Variants in YBEY observed in about 807,000 individuals in gnomAD.
YBEY encodes the protein endoribonuclease YbeY.
YBEY carries 15 observed loss-of-function variants against 13.5 expected under a neutral mutation model. The ratio of observed to expected loss-of-function variants is 1.11; its 90% CI spans 0.75 to 1.72. The LOEUF (loss-of-function observed/expected upper bound fraction) is 1.72. Ranked by LOEUF, YBEY falls within the 40% of genes most tolerant of loss-of-function variation. The pLI is 0.00. For synonymous variants in YBEY, 101 were observed against 83.1 expected (o/e 1.21, Z -1.17); for missense variants, 244 against 208.4 (o/e 1.17, Z -1.05).
chr21:46,312,013 AT>A, the YBEY span, among the ~76,000 whole-genome samples: 1 of 104,578 alleles, frequency 9.6e-6, no homozygotes, highest in African/African-American at 3.8e-5. Context: ...CCACCCATCC[AT>A]CCACCCATCC....
chr21:46,295,228 C>A (rs1269660339), intron 3 of YBEY, among the ~76,000 whole-genome samples: 1 of 152,076 alleles, frequency 6.6e-6, no homozygotes, highest in Non-Finnish European at 1.5e-5. Flanking sequence ...AGGGCCAGCC[C>A]ACCAGCCCAG....
chr21:46,303,112 C>A, the YBEY span, among the ~76,000 whole-genome samples: 22 of 152,058 alleles, frequency 1.4e-4, no homozygotes, highest in African/African-American at 5.1e-4. Flanking sequence ...TGCGGTGAGC[C>A]AAGATCGTGC....
chr21:46,311,712 CAACCA>C, the YBEY span: 1,495 of 476,202 alleles, frequency 3.1e-3, 20 homozygotes, highest in African/African-American at 0.027. Context: ...ACCAACCAAC[CAACCA>C]TCCACCCATC....
chr21:46,299,317 A>T (rs751630439), downstream of YBEY, among the ~76,000 whole-genome samples: 6 of 152,044 alleles, frequency 3.9e-5, no homozygotes, highest in African/African-American at 4.8e-5. Flanking sequence ...TTCTGACCTG[A>T]ATCTGAGGAA....
chr21:46,290,806 G>A (rs898209521), intron 2 of YBEY, among the ~76,000 whole-genome samples: 1 of 151,956 alleles, frequency 6.6e-6, no homozygotes, highest in Non-Finnish European at 1.5e-5. Flanking sequence ...AGCACTTTCG[G>A]AGGCCAAGGC....
downstream of YBEY, among the ~76,000 whole-genome samples, chr21:46,297,979 A>G (rs1601608596): frequency 1.0e-5 from 1 of 97,934 alleles, no homozygotes; most frequent in East Asian, 2.4e-4. Context: ...GGCTTGCGTC[A>G]GTATTTCCTG....
intron 3 of YBEY, among the ~76,000 whole-genome samples, chr21:46,295,872 C>T (rs2081937712): frequency 6.7e-6 from 1 of 148,790 alleles, no homozygotes; most frequent in African/African-American, 2.5e-5. Context: ...TCCCCCCTTG[C>T]CCATTGCTCC....
downstream of YBEY, among the ~76,000 whole-genome samples, chr21:46,298,328 G>C (rs2082016053): frequency 1.3e-5 from 2 of 152,160 alleles, no homozygotes; most frequent in Admixed American, 6.5e-5. Context: ...TGAAGTCGCT[G>C]CACCACCGCG....
intron 3 of YBEY, among the ~76,000 whole-genome samples, chr21:46,295,826 C>T (rs1305104932): frequency 6.6e-6 from 1 of 151,902 alleles, no homozygotes; most frequent in East Asian, 1.9e-4. Flanking sequence ...CCCACCACCC[C>T]GTGGCACCCA....
chr21:46,301,956 TG>T, downstream of YBEY: 8 of 1,470,258 alleles, frequency 5.4e-6, no homozygotes, highest in Non-Finnish European at 7.2e-6. Flanking sequence ...TGAGGAAGCC[TG>T]GGGGTGGAGG....
At chr21:46,298,088 T>TC (rs2082009355), downstream of YBEY, among the ~76,000 whole-genome samples, 1 of 152,158 alleles carries the variant, frequency 6.6e-6, no homozygotes, top group Admixed American at 6.5e-5. Flanking sequence ...GCGCGCTGGT[T>TC]CCCCGGGGCC....
chr21:46,308,261 G>C, the YBEY span, among the ~76,000 whole-genome samples: 6 of 152,086 alleles, frequency 3.9e-5, no homozygotes, highest in African/African-American at 1.4e-4. Flanking sequence ...AGGAGTTCGA[G>C]ACCAGCCTGG....
At chr21:46,302,027 G>C, downstream of YBEY, 22 of 1,536,294 alleles carry the variant, frequency 1.4e-5, no homozygotes, top group Non-Finnish European at 1.9e-5. Context: ...CCACAGGCTG[G>C]GGGCGGGCTG....
the YBEY span, among the ~76,000 whole-genome samples, chr21:46,306,431 G>A: frequency 3.8e-3 from 579 of 151,842 alleles, 2 homozygotes; most frequent in Non-Finnish European, 5.9e-3. Context: ...CCTAGGAGGC[G>A]GAGGTTGCAT....
At chr21:46,292,867 GATTAA>G (rs1204422020) in intron 3 of YBEY, among the ~76,000 whole-genome samples, 53 of 111,184 alleles carry the variant, frequency 4.8e-4, no homozygotes, top group Non-Finnish European at 5.3e-4. Flanking sequence ...TTAAACTCTA[GATTAA>G]ATTCCTCCCG....
At chr21:46,298,495 C>A (rs1276124493), downstream of YBEY, among the ~76,000 whole-genome samples, 1 of 134,438 alleles carries the variant, frequency 7.4e-6, no homozygotes, top group African/African-American at 2.7e-5. Flanking sequence ...GTGGTGCGAT[C>A]TCGGCTCACT....
At chr21:46,292,524 G>C (rs1055196110) in intron 3 of YBEY, among the ~76,000 whole-genome samples, 1 of 144,900 alleles carries the variant, frequency 6.9e-6, no homozygotes, top group Non-Finnish European at 1.5e-5. Context: ...GGTTAGCTTG[G>C]CCTGTGCCCG....
At chr21:46,304,650 A>C in the YBEY span, among the ~76,000 whole-genome samples, 1 of 152,192 alleles carries the variant, frequency 6.6e-6, no homozygotes, top group Non-Finnish European at 1.5e-5. Flanking sequence ...TGGCGACTGA[A>C]ATTCTCATTC....
intron 3 of YBEY, chr21:46,292,097 G>C (rs1254529524): frequency 6.5e-6 from 1 of 153,660 alleles, no homozygotes; most frequent in Non-Finnish European, 1.4e-5. Context: ...GTCCGCCTCT[G>C]CGTGGAGCCA....
Sources: gnomAD v4.1 joint callset for allele counts (sites outside exome capture counted in the v4.1 genomes callset) on GRCh38, gnomAD v4.1.1 for gene constraint, MANE v1.5 for transcripts, NCBI Gene and HGNC (gene_info 2026-07-23, HGNC 2026-07-21) for gene names.